The following WDR64 variants were observed in gnomAD, a reference collection of about 807,000 sequenced individuals.
WDR64 encodes WD repeat-containing protein 64.
Under a neutral mutation model 139.3 loss-of-function variants are expected in WDR64, and 112 were observed. The ratio of observed to expected loss-of-function variants is 0.80; its 90% CI spans 0.69 to 0.94. The LOEUF is 0.94. Ranked by LOEUF, WDR64 falls within the 40% of genes least tolerant of loss-of-function variation. The probability of loss-of-function intolerance (pLI) is 0.00; values close to 1 mark genes in which losing one functional copy is unlikely to be tolerated. For synonymous variants in WDR64, 444 were observed against 437.7 expected, an observed-to-expected ratio of 1.01 and a Z score of -0.18; for missense variants, 1,206 against 1,293.1, an observed-to-expected ratio of 0.93 and a Z score of 1.03.
At chr1:241,685,299 T>C (rs1383951612) in intron 7 of WDR64, among the ~76,000 whole-genome samples, 1 of 151,718 alleles carries the variant, frequency 6.6e-6, no homozygotes, top group African/African-American at 2.4e-5. Context: ...TTTTAAAAAA[T>C]ATTTAATGGC....
At chr1:241,792,520 A>T (rs1478482608) in intron 25 of WDR64, among the ~76,000 whole-genome samples, 1 of 152,186 alleles carries the variant, frequency 6.6e-6, no homozygotes, top group Non-Finnish European at 1.5e-5. Flanking sequence ...TTGGCGACAG[A>T]GTGAGACTCT....
chr1:241,757,428 T>G lies in WDR64; in HGVS notation c.1916T>G (p.Ile639Arg). The G allele has an allele frequency of 6.2e-7, 1 of 1,613,292 alleles. No homozygotes were observed. The highest frequency in any genetic ancestry group is 8.5e-7 in the Non-Finnish European group (1 of 1,179,718). Reference sequence around the variant, plus strand: ...ATTCCTTTCCCAGATGTCGAGTTGATAGTTGAGAGGAACTTTTCTCAACCT... The same window carrying G: ...ATTCCTTTCCCAGATGTCGAGTTGAGAGTTGAGAGGAACTTTTCTCAACCT... Reference protein sequence around the residue: ...MAIPFPDVELIVERNFSQPTD... With the variant: ...MAIPFPDVELRVERNFSQPTD... Residue 639 changes from isoleucine (I) to arginine (R), a missense_variant, in exon 15 of 28, where the codon ATA (isoleucine) becomes AGA (arginine). Ile to Arg is a moderately conservative substitution (Grantham distance 97). Transcript: ENST00000437684.
rs377494707 is a variant in WDR64, at chr1:241,723,485, A to G, written c.1194+49A>G. On this transcript the variant is annotated intron_variant, in intron 10 of 27. Coordinates refer to ENST00000437684, the MANE Select transcript of WDR64 (RefSeq NM_001367482.1). ...CAAAACTAGTTTTTTCCGGAAAATTATCTGTTGGAAGGCATAGGGATGATA... is the reference window on the plus strand; with the variant it reads ...CAAAACTAGTTTTTTCCGGAAAATTGTCTGTTGGAAGGCATAGGGATGATA... 110 of 1,588,598 alleles carry G rather than the reference A, an allele frequency of 6.9e-5. No homozygotes were observed. In the African/African-American group the frequency reaches 1.4e-3, roughly 20 times the overall value.
intron 16 of WDR64, among the ~76,000 whole-genome samples, chr1:241,767,091 C>T (rs536625946): frequency 1.2e-4 from 18 of 152,178 alleles, no homozygotes; most frequent in Non-Finnish European, 2.6e-4. Context: ...ACCTACTCCC[C>T]GCTCCCAAAC....
intron 15 of WDR64, among the ~76,000 whole-genome samples, chr1:241,763,001 C>T (rs1420854680): frequency 6.6e-6 from 1 of 152,048 alleles, no homozygotes; most frequent in African/African-American, 2.4e-5. Flanking sequence ...GTCATAATAA[C>T]GTTATCATGT....
intron 11 of WDR64, among the ~76,000 whole-genome samples, chr1:241,739,212 C>T (rs142952862): frequency 6.6e-6 from 1 of 152,266 alleles, no homozygotes; most frequent in African/African-American, 2.4e-5. Context: ...AAACAAGGGG[C>T]CCTGCTAGAC....
chr1:241,669,949 C>T (rs956986772), intron 2 of WDR64, among the ~76,000 whole-genome samples: 4 of 152,046 alleles, frequency 2.6e-5, no homozygotes, highest in African/African-American at 4.8e-5. Flanking sequence ...ACAAGATATC[C>T]GGGTGGCTAG....
Position 241,671,061 on chromosome 1 carries a change from T to C in WDR64, c.277-13T>C. The C allele has an allele frequency of 3.9e-6, 6 of 1,520,728 alleles. No homozygotes were observed. The highest frequency in any genetic ancestry group is 5.3e-6 in the Non-Finnish European group (6 of 1,126,020). The allele number at this position is 1,520,728 out of a possible 1,614,324, so 94.2% of individuals were successfully genotyped here. On this transcript the variant is annotated splice_polypyrimidine_tract_variant and intron_variant, in intron 2 of 27. Coordinates refer to ENST00000437684, the MANE Select transcript of WDR64 (RefSeq NM_001367482.1). ...GCATGCTGCATATTTATATGTGCTG[T>C]TTGGGATTTCAGATCTTTGGATACT... is the stretch of plus-strand genomic sequence containing the variant.
intron 9 of WDR64, among the ~76,000 whole-genome samples, chr1:241,722,550 A>C (rs1668648918): frequency 6.6e-6 from 1 of 152,196 alleles, no homozygotes; most frequent in Non-Finnish European, 1.5e-5. Context: ...AGGGGTTAAG[A>C]AATTCTGAAA....
intron 19 of WDR64, among the ~76,000 whole-genome samples, chr1:241,771,985 T>TTC (rs1658472242): frequency 7.4e-6 from 1 of 135,690 alleles, no homozygotes; most frequent in Non-Finnish European, 1.6e-5. Flanking sequence ...TATATATATA[T>TTC]ATATTCTTTT....
chr1:241,682,315 T>C (rs1453048884), intron 6 of WDR64, among the ~76,000 whole-genome samples: 1 of 152,226 alleles, frequency 6.6e-6, no homozygotes, highest in Admixed American at 6.5e-5. Context: ...AGGTGAGGGA[T>C]GAGGATCCAG....
chr1:241,687,458 C>A lies in WDR64; in HGVS notation c.840-3C>A. 6.2e-7 allele frequency: 1 copy of A among 1,613,460 alleles called. No individual in the cohort carries two copies. The highest frequency in any genetic ancestry group is 1.1e-5 in the South Asian group (1 of 90,988). On this transcript the variant is annotated splice_polypyrimidine_tract_variant and splice_region_variant and intron_variant, in intron 7 of 27. Transcript: ENST00000437684. ...ATCTCCCCTGCCTTTTCTTAATCCC[C>A]AGTGTTAAAAGGAAGCTACATAATG... is the stretch of plus-strand genomic sequence containing the variant.
At chr1:241,732,829 C>A (rs536181014) in intron 10 of WDR64, among the ~76,000 whole-genome samples, 10 of 150,652 alleles carry the variant, frequency 6.6e-5, no homozygotes, top group East Asian at 1.9e-4. Context: ...AAAAAAAAAA[C>A]CAAAAAAACA....
chr1:241,682,303 T>C (rs756920971), intron 6 of WDR64, among the ~76,000 whole-genome samples: 1 of 152,228 alleles, frequency 6.6e-6, no homozygotes, highest in Non-Finnish European at 1.5e-5. Flanking sequence ...GATTTTTGTA[T>C]AAGGTGAGGG....
intron 11 of WDR64, among the ~76,000 whole-genome samples, chr1:241,741,288 T>A (rs531814424): frequency 6.6e-6 from 1 of 152,336 alleles, no homozygotes; most frequent in South Asian, 2.1e-4. Flanking sequence ...TGAAAAATAA[T>A]CCAGTCCAAA....
chr1:241,667,211 A>T (rs1222951894), intron 2 of WDR64, among the ~76,000 whole-genome samples: 1 of 152,234 alleles, frequency 6.6e-6, no homozygotes, highest in Non-Finnish European at 1.5e-5. Flanking sequence ...AAGAATCATC[A>T]TCACCATTAT....
At chr1:241,674,091 G>A (rs971856037) in intron 3 of WDR64, among the ~76,000 whole-genome samples, 5 of 151,750 alleles carry the variant, frequency 3.3e-5, no homozygotes, top group Admixed American at 2.0e-4. Context: ...CTTTTCTCTG[G>A]GAATTAATGT....
At position 241,801,294 on chromosome 1, in the gene WDR64, G is replaced by C; in HGVS notation, c.*79G>C. On this transcript the variant is annotated 3_prime_UTR_variant, in exon 28 of 28. Transcript: ENST00000437684. ...ACCTGCTCTTTATTTCAGGATGAGAGGGAGAAACCACCAGACACTATCAGT... is the reference window on the plus strand; with the variant it reads ...ACCTGCTCTTTATTTCAGGATGAGACGGAGAAACCACCAGACACTATCAGT... 1 of 1,258,042 alleles carries C rather than the reference G, an allele frequency of 7.9e-7. No homozygotes were observed. The highest frequency in any genetic ancestry group is 1.2e-6 in the Non-Finnish European group (1 of 867,384). The allele number at this position is 1,258,042 out of a possible 1,614,324, so 77.9% of individuals were successfully genotyped here.
chr1:241,705,910 T>TG (rs774191574), intron 8 of WDR64, among the ~76,000 whole-genome samples: 7 of 152,198 alleles, frequency 4.6e-5, no homozygotes, highest in Non-Finnish European at 8.8e-5. Context: ...TTCTGAAGGC[T>TG]GCAGGCTGGG....
Sources: gnomAD v4.1 joint callset for allele counts (sites outside exome capture counted in the v4.1 genomes callset) on GRCh38, gnomAD v4.1.1 for gene constraint, MANE v1.5 for transcripts, NCBI Gene and HGNC (gene_info 2026-07-23, HGNC 2026-07-21) for gene names.